GRM3: variants seen among roughly 807,000 people sequenced by gnomAD.
GRM3 encodes the protein metabotropic glutamate receptor 3.
In GRM3, 26 loss-of-function variants were observed where a neutral mutation model predicts 70.5. The ratio of observed to expected loss-of-function variants is 0.37; its 90% CI spans 0.27 to 0.51. The LOEUF (loss-of-function observed/expected upper bound fraction) is 0.51. Among genes scored for constraint, GRM3 ranks in the 20% least tolerant of loss-of-function variants. The pLI, the probability that GRM3 is intolerant of heterozygous loss-of-function variation, is 0.93. For synonymous variants in GRM3, 443 were observed against 434.9 expected (o/e 1.02, Z -0.23); for missense variants, 859 against 1,123.8 (o/e 0.76, Z 3.37).
chr7:86,774,643 C>T (rs940990406), intron 2 of GRM3, among the ~76,000 whole-genome samples: 25 of 152,014 alleles, frequency 1.6e-4, no homozygotes, highest in Middle Eastern at 3.4e-3. Context: ...AATGGCAAAG[C>T]ATCTTGACAG....
intron 1 of GRM3, among the ~76,000 whole-genome samples, chr7:86,662,365 C>T (rs1225891042): frequency 2.0e-5 from 3 of 151,496 alleles, no homozygotes. Context: ...AAAATAATGA[C>T]TGTTGAATAA....
intron 5 of GRM3, among the ~76,000 whole-genome samples, chr7:86,856,799 C>G (rs965622961): frequency 2.0e-5 from 3 of 152,224 alleles, no homozygotes; most frequent in African/African-American, 7.2e-5. Flanking sequence ...TTTTTTCCAT[C>G]CCTTAAATCA....
chr7:86,676,719 A>C (rs889542217), intron 1 of GRM3, among the ~76,000 whole-genome samples: 6 of 151,996 alleles, frequency 3.9e-5, no homozygotes, highest in Non-Finnish European at 7.4e-5. Context: ...TGGGAGGGTA[A>C]GCATAAAGGA....
rs547307901 is a variant in GRM3 at position 86,786,536 on chromosome 7, C to T, written c.744C>T (p.Gly248=). The part of the protein sequence containing the change: ...NICIATAEKV[G]RSNIRKSYDS... ...GCATCGCTACGGCGGAGAAGGTGGGCCGCTCCAACATCCGCAAGTCCTACG... is the reference window on the plus strand; with the variant it reads ...GCATCGCTACGGCGGAGAAGGTGGGTCGCTCCAACATCCGCAAGTCCTACG... Residue 248 remains glycine (G), a synonymous_variant, in exon 3 of 6, where the codon GGC becomes GGT. Transcript: ENST00000361669. The surrounding 1 kb of genome is among the most constrained non-coding windows in gnomAD (Gnocchi z 6.0). 4 of 1,614,050 alleles carry T rather than the reference C, an allele frequency of 2.5e-6. No individual in the cohort carries two copies. The South Asian group carries it at 4.4e-5, about 18-fold the overall frequency.
chr7:86,849,285 G>A (rs1473310822), intron 4 of GRM3, among the ~76,000 whole-genome samples: 1 of 152,162 alleles, frequency 6.6e-6, no homozygotes, highest in Non-Finnish European at 1.5e-5. Flanking sequence ...GACAAGAAAG[G>A]AGCCTGCAAT....
chr7:86,805,024 G>A (rs752648186), intron 3 of GRM3, among the ~76,000 whole-genome samples: 2 of 152,076 alleles, frequency 1.3e-5, no homozygotes, highest in Admixed American at 6.5e-5. Context: ...TGAGGTGGGA[G>A]GATCACTTGA....
At chr7:86,656,336 G>C (rs802435) in intron 1 of GRM3, among the ~76,000 whole-genome samples, 99,561 of 146,850 alleles carry the variant, frequency 0.68, 33,943 homozygotes, top group East Asian at 0.88. Flanking sequence ...CACGATCTCA[G>C]CTCAGTGCTG....
intron 3 of GRM3, among the ~76,000 whole-genome samples, chr7:86,820,085 G>A (rs1317165253): frequency 6.6e-6 from 1 of 152,088 alleles, no homozygotes; most frequent in Non-Finnish European, 1.5e-5. Context: ...CTCTTACAGT[G>A]ATTTAAGTTT....
At chr7:86,686,873 A>G (rs1005644551) in intron 1 of GRM3, among the ~76,000 whole-genome samples, 2 of 151,984 alleles carry the variant, frequency 1.3e-5, no homozygotes, top group African/African-American at 4.8e-5. Flanking sequence ...ATTCAAATGG[A>G]TAGAGGAAAG....
rs199699797 is a variant in GRM3 at position 86,828,734 on chromosome 7, CTG to C, written c.1325-10102_1325-10101del. Among the ~76,000 whole-genome samples the C allele has an allele frequency of 1.7e-3, 252 of 152,300 alleles. 5 individuals are homozygous for C. The highest frequency in any genetic ancestry group is 0.011 in the Admixed American group (169 of 15,300). On this transcript the variant is annotated intron_variant, in intron 3 of 5. Coordinates refer to ENST00000361669, the MANE Select transcript of GRM3 (RefSeq NM_000840.3). The stretch of plus-strand genomic sequence containing the variant: ...TGGTGGTTGCTGAAGACTGAGGTGA[CTG>C]TGGCAGTTTCTGAAAATAAGAAAAC...
At chr7:86,840,724 G>A (rs913838863) in intron 4 of GRM3, among the ~76,000 whole-genome samples, 3 of 152,014 alleles carry the variant, frequency 2.0e-5, no homozygotes, top group African/African-American at 7.2e-5. Flanking sequence ...TCAGGTATTT[G>A]TTTTTTATTC....
intron 3 of GRM3, among the ~76,000 whole-genome samples, chr7:86,799,123 T>C (rs543695609): frequency 6.6e-6 from 1 of 152,326 alleles, no homozygotes; most frequent in East Asian, 1.9e-4. Context: ...CAATTGTGAA[T>C]GGAAGTTCAT....
chr7:86,767,518 TATATATATATA>T (rs1796632054), intron 2 of GRM3, among the ~76,000 whole-genome samples: 1 of 4,060 alleles, frequency 2.5e-4, no homozygotes, highest in African/African-American at 3.8e-3. Flanking sequence ...ATACTTCATA[TATATATATATA>T]TATATATATA....
Position 86,839,918 on chromosome 7 carries a change from T to C in GRM3, c.2391+13T>C. On this transcript the variant is annotated intron_variant, in intron 4 of 5. Coordinates refer to ENST00000361669, the MANE Select transcript of GRM3 (RefSeq NM_000840.3). The surrounding 1 kb of genome is among the most constrained non-coding windows in gnomAD (Gnocchi z 4.5). The stretch of plus-strand genomic sequence containing the variant: ...AAGTGACTACAGAGTAAGTCTTTGA[T>C]TGTTTCTTATTTTTCTTGTTCTTTC... 1.4e-6 allele frequency: 2 copies of C among 1,411,128 alleles called. No individual in the cohort carries two copies. Among genetic ancestry groups the C allele is most frequent in the Middle Eastern group, 3.5e-4 (2 of 5,636 alleles). 87.4% of individuals were successfully genotyped at this position (1,411,128 alleles called of 1,614,324 possible).
chr7:86,783,213 A>G (rs1797123195), intron 2 of GRM3, among the ~76,000 whole-genome samples: 1 of 152,204 alleles, frequency 6.6e-6, no homozygotes, highest in Admixed American at 6.5e-5. Context: ...TAGGCAGTCT[A>G]TGGTGTATAC....
chr7:86,771,038 T>A (rs1282289748), intron 2 of GRM3, among the ~76,000 whole-genome samples: 1 of 152,086 alleles, frequency 6.6e-6, no homozygotes, highest in East Asian at 1.9e-4. Context: ...CTTTCCTCAC[T>A]GAGAATCACT....
At chr7:86,836,886 A>G (rs1016413658) in intron 3 of GRM3, among the ~76,000 whole-genome samples, 2 of 152,204 alleles carry the variant, frequency 1.3e-5, no homozygotes, top group Admixed American at 6.5e-5. Flanking sequence ...TTATTAAAAG[A>G]CAGAAACGAG....
intron 2 of GRM3, 105 bp downstream of exon 2, chr7:86,765,718 A>C: frequency 1.1e-6 from 1 of 870,152 alleles, no homozygotes. Context: ...GGATTATATC[A>C]ACAATGCAAT....
At chr7:86,745,207 G>A (rs962720627) in intron 1 of GRM3, among the ~76,000 whole-genome samples, 6 of 152,076 alleles carry the variant, frequency 3.9e-5, no homozygotes, top group African/African-American at 1.4e-4. Flanking sequence ...GCTTGACTGA[G>A]ATAAAGCCTG....
Sources: allele counts gnomAD v4.1 joint callset (sites outside exome capture counted in the v4.1 genomes callset), GRCh38; gene constraint gnomAD v4.1.1; non-coding constraint Gnocchi (gnomAD v3.1); transcripts MANE v1.5; gene names NCBI Gene and HGNC (gene_info 2026-07-23, HGNC 2026-07-21).